The following COX10 variants were observed in gnomAD, a reference collection of about 807,000 sequenced individuals.
COX10 encodes the protein cytochrome c oxidase assembly factor heme A:farnesyltransferase COX10.
A neutral mutation model predicts 37.3 loss-of-function variants in COX10; 27 were observed. The observed-to-expected ratio is 0.72, with a 90% CI of 0.53 to 1.00. COX10 has a LOEUF of 1.00. Ranked by LOEUF, COX10 falls within the 50% of genes least tolerant of loss-of-function variation. COX10 has a pLI of 0.00. For missense variants in COX10, 475 were observed against 563.2 expected (o/e 0.84, Z 1.59); for synonymous variants, 222 against 229.1 (o/e 0.97, Z 0.28).
At chr17:14,076,032 G>A (rs974392960) in intron 2 of COX10, among the ~76,000 whole-genome samples, 7 of 147,080 alleles carry the variant, frequency 4.8e-5, no homozygotes, top group African/African-American at 1.7e-4. Context: ...CCTGGATTAT[G>A]CCTTACCACT....
In COX10 at chr17:14,208,378, T is replaced by C. The variant is rs947383425; in HGVS notation, c.*1165T>C. 1 of 152,226 alleles carries C rather than the reference T, an allele frequency of 6.6e-6. No homozygotes were observed. The highest frequency in any genetic ancestry group is 2.4e-5 in the African/African-American group (1 of 41,460). The allele number at this position is 152,226 out of a possible 1,614,324, so 9.4% of individuals were successfully genotyped here. On this transcript the variant is annotated 3_prime_UTR_variant, in exon 7 of 7. Coordinates refer to ENST00000261643, the MANE Select transcript of COX10 (RefSeq NM_001303.4). ...AAGGTCTTGAAGCTTGACAGGATGT[T>C]TTCATTACTCAGTCTCCCAGGGCAC...
intron 6 of COX10, among the ~76,000 whole-genome samples, chr17:14,203,480 C>T (rs1906606131): frequency 6.6e-6 from 1 of 152,132 alleles, no homozygotes; most frequent in Non-Finnish European, 1.5e-5. Context: ...GCTACAACTG[C>T]CCCGTCTGAT....
chr17:14,129,215 G>A (rs1466847777), intron 4 of COX10, among the ~76,000 whole-genome samples: 1 of 150,780 alleles, frequency 6.6e-6, no homozygotes, highest in Admixed American at 6.6e-5. Context: ...TAGATTTCAG[G>A]TACTGCTAGA....
intron 4 of COX10, among the ~76,000 whole-genome samples, chr17:14,122,117 G>A (rs1916242375): frequency 6.6e-6 from 1 of 152,160 alleles, no homozygotes; most frequent in Non-Finnish European, 1.5e-5. Flanking sequence ...CAGTTAGGGT[G>A]TTATTACCAT....
At chr17:14,098,355 A>G (rs1915697677) in intron 3 of COX10, among the ~76,000 whole-genome samples, 1 of 152,186 alleles carries the variant, frequency 6.6e-6, no homozygotes, top group Non-Finnish European at 1.5e-5. Context: ...ATTCTGATAC[A>G]AAAGAGAGGC....
intron 5 of COX10, among the ~76,000 whole-genome samples, chr17:14,180,336 T>G (rs1260476584): frequency 5.3e-5 from 8 of 152,162 alleles, no homozygotes; most frequent in South Asian, 4.1e-4. Context: ...TGGCCTCAAC[T>G]TAATAATAGT....
chr17:14,192,315 A>G, intron 6 of COX10, 94 bp downstream of exon 6: 1 of 1,613,806 alleles, frequency 6.2e-7, no homozygotes, highest in Non-Finnish European at 8.5e-7. Flanking sequence ...ATTCCATTCC[A>G]TCCCACATTA....
intron 5 of COX10, among the ~76,000 whole-genome samples, chr17:14,169,730 G>A (rs1905401196): frequency 6.6e-6 from 1 of 152,184 alleles, no homozygotes; most frequent in South Asian, 2.1e-4. Context: ...ACCTTAGAGT[G>A]CATATGTTAC....
At position 14,207,369 on chromosome 17, in the gene COX10, T is replaced by C; in HGVS notation, c.*156T>C. ...CTTGACAGTTTTTTTTTTTTTTAAA[T>C]ATTACCCAAAATGCTCCCCAAATAA... On this transcript the variant is annotated 3_prime_UTR_variant, in exon 7 of 7. Transcript: ENST00000261643. 1.0e-6 allele frequency: 1 copy of C among 961,900 alleles called. No homozygotes were observed. The highest frequency in any genetic ancestry group is 1.5e-6 in the Non-Finnish European group (1 of 678,370). 59.6% of individuals were successfully genotyped at this position (961,900 alleles called of 1,614,324 possible). A position where few individuals can be genotyped will look rare whatever the true frequency, so the allele number is the denominator to read the frequency against.
intron 4 of COX10, among the ~76,000 whole-genome samples, chr17:14,111,609 G>A (rs1359053306): frequency 6.6e-6 from 1 of 152,054 alleles, no homozygotes; most frequent in Non-Finnish European, 1.5e-5. Context: ...TTACAAGGAA[G>A]AAAACTTTGA....
chr17:14,085,926 T>C (rs1915399421), intron 3 of COX10, among the ~76,000 whole-genome samples: 1 of 152,214 alleles, frequency 6.6e-6, no homozygotes, highest in Non-Finnish European at 1.5e-5. Context: ...CACTTAAGTT[T>C]TTAATTTTGT....
intron 4 of COX10, among the ~76,000 whole-genome samples, chr17:14,119,903 T>C (rs1486320589): frequency 6.6e-6 from 1 of 152,178 alleles, no homozygotes; most frequent in Non-Finnish European, 1.5e-5. Context: ...CTGATCAGAT[T>C]TGTTGTTTGA....
intron 4 of COX10, among the ~76,000 whole-genome samples, chr17:14,143,484 T>C (rs999859620): frequency 6.6e-6 from 1 of 152,132 alleles, no homozygotes; most frequent in Non-Finnish European, 1.5e-5. Flanking sequence ...TGAAATGCAC[T>C]ATAATTGCTT....
At chr17:14,182,999 G>T (rs1263358402) in intron 5 of COX10, among the ~76,000 whole-genome samples, 1 of 151,920 alleles carries the variant, frequency 6.6e-6, no homozygotes, top group Admixed American at 6.6e-5. Context: ...GTAGAGCTAT[G>T]TAGGGGCTGA....
intron 4 of COX10, among the ~76,000 whole-genome samples, chr17:14,142,284 C>T (rs762938301): frequency 6.6e-5 from 10 of 152,184 alleles, no homozygotes; most frequent in Admixed American, 6.6e-5. Context: ...TGTGCAGACA[C>T]GGAAAAATCA....
At chr17:14,088,708 C>T (rs1915465159) in intron 3 of COX10, among the ~76,000 whole-genome samples, 5 of 152,064 alleles carry the variant, frequency 3.3e-5, no homozygotes, top group Admixed American at 3.3e-4. Flanking sequence ...ATGACTTAAA[C>T]AAGTAAAGGG....
chr17:14,082,478 A>G (rs759330022), intron 3 of COX10, among the ~76,000 whole-genome samples: 1 of 152,178 alleles, frequency 6.6e-6, no homozygotes, highest in Non-Finnish European at 1.5e-5. Flanking sequence ...TAAGTTTATT[A>G]TAATGCTTGT....
chr17:14,087,878 T>C (rs1321737113), intron 3 of COX10, among the ~76,000 whole-genome samples: 1 of 152,078 alleles, frequency 6.6e-6, no homozygotes, highest in African/African-American at 2.4e-5. Context: ...AATGGGTGGC[T>C]TGCTACACTG....
At chr17:14,191,871 G>C in intron 5 of COX10, 118 bp from the exon 6 acceptor site, 1 of 1,023,724 alleles carries the variant, frequency 9.8e-7, no homozygotes, top group Non-Finnish European at 1.5e-6. Context: ...GAATCAGCCA[G>C]ATCAGTACTG....
Sources: allele counts gnomAD v4.1 joint callset (sites outside exome capture counted in the v4.1 genomes callset), GRCh38; gene constraint gnomAD v4.1.1; transcripts MANE v1.5; gene names NCBI Gene and HGNC (gene_info 2026-07-23, HGNC 2026-07-21).